Variants in PCDH9 observed in about 807,000 individuals in gnomAD.
PCDH9 encodes protocadherin 9, also known as protocadherin-9.
PCDH9 carries 24 observed loss-of-function variants against 70.6 expected under a neutral mutation model. The ratio of observed to expected loss-of-function variants is 0.34; its 90% CI spans 0.25 to 0.48. The LOEUF (loss-of-function observed/expected upper bound fraction) is 0.48. PCDH9 is among the 20% of genes least tolerant of loss of function. The pLI, the probability that PCDH9 is intolerant of heterozygous loss-of-function variation, is 0.99. For synonymous variants in PCDH9, 562 were observed against 558.5 expected, an observed-to-expected ratio of 1.01 and a Z score of -0.09; for missense variants, 1,281 against 1,503.6, an observed-to-expected ratio of 0.85 and a Z score of 2.45.
chr13:66,788,484 T>G (rs928826016), intron 3 of PCDH9, among the ~76,000 whole-genome samples: 3 of 152,084 alleles, frequency 2.0e-5, no homozygotes, highest in Non-Finnish European at 2.9e-5. Context: ...TTAAGTTGAA[T>G]AGTATTTGTA....
intron 2 of PCDH9, among the ~76,000 whole-genome samples, chr13:67,161,740 A>T (rs976030165): frequency 2.6e-5 from 4 of 152,212 alleles, no homozygotes; most frequent in Non-Finnish European, 5.9e-5. Flanking sequence ...GTGAGCAGGG[A>T]GAGGGAAATT....
intron 4 of PCDH9, among the ~76,000 whole-genome samples, chr13:66,600,128 G>T (rs116870467): frequency 0.011 from 1,672 of 151,952 alleles, 21 homozygotes; most frequent in Middle Eastern, 0.017. Flanking sequence ...TCCGGAAATA[G>T]AATTAAATAT....
intron 3 of PCDH9, among the ~76,000 whole-genome samples, chr13:66,809,195 G>A (rs887698022): frequency 7.2e-5 from 11 of 152,092 alleles, no homozygotes; most frequent in African/African-American, 2.2e-4. Flanking sequence ...TGATCCACCC[G>A]TCTCGGCCTC....
chr13:66,498,204 C>T (rs1186308516), intron 4 of PCDH9, among the ~76,000 whole-genome samples: 3 of 60,258 alleles, frequency 5.0e-5, no homozygotes, highest in African/African-American at 1.3e-4. Context: ...AGTGCAGTGG[C>T]GCGATCTCGG....
At chr13:67,149,976 C>T (rs1487963640) in intron 2 of PCDH9, among the ~76,000 whole-genome samples, 1 of 152,158 alleles carries the variant, frequency 6.6e-6, no homozygotes, top group Non-Finnish European at 1.5e-5. Flanking sequence ...AAAGTCTTTT[C>T]AGGTCATATG....
intron 3 of PCDH9, among the ~76,000 whole-genome samples, chr13:66,763,475 G>A (rs991472457): frequency 1.3e-5 from 2 of 151,998 alleles, no homozygotes; most frequent in African/African-American, 4.8e-5. Flanking sequence ...GATTTAAAAT[G>A]TACCCAATAC....
rs1231003569 is a variant in PCDH9 at position 67,191,410 on chromosome 13, G to C, written c.3036+33995C>G. Among the ~76,000 whole-genome samples, 8 of 152,166 alleles carry C rather than the reference G, an allele frequency of 5.3e-5. No homozygotes were observed. In the East Asian group the frequency reaches 1.5e-3, roughly 29 times the overall value. On this transcript the variant is annotated intron_variant, in intron 2 of 4. Coordinates refer to ENST00000377865, the MANE Select transcript of PCDH9 (RefSeq NM_203487.3). ...ACTTGATAAAAATTTGAATAAATTT[G>C]AAGAATTTATCTCTATAAATCACTA...
Position 66,498,205 on chromosome 13 carries a change from G to A in PCDH9, c.3340+133005C>T, listed in dbSNP as rs192850732. Among the ~76,000 whole-genome samples the A allele has an allele frequency of 2.3e-3, 122 of 53,578 alleles. 1 individual carries two copies. Among genetic ancestry groups the A allele is most frequent in the Non-Finnish European group, 6.5e-4 (17 of 26,070 alleles). The allele number at this position is 53,578 out of a possible 152,430, so 35.1% of individuals were successfully genotyped here. ...GTCGCCCAGGCTGGAGTGCAGTGGC[G>A]CGATCTCGGCTCACTTGAAAGCTCC... is the stretch of plus-strand genomic sequence containing the variant. On this transcript the variant is annotated intron_variant, in intron 4 of 4. Coordinates refer to ENST00000377865, the MANE Select transcript of PCDH9 (RefSeq NM_203487.3).
At chr13:66,405,450 T>C (rs1050694962) in intron 4 of PCDH9, among the ~76,000 whole-genome samples, 1 of 152,344 alleles carries the variant, frequency 6.6e-6, no homozygotes, top group South Asian at 2.1e-4. Context: ...ACATAGGTTG[T>C]GTATATGGGC....
intron 3 of PCDH9, among the ~76,000 whole-genome samples, chr13:66,671,415 T>C (rs1198065265): frequency 6.6e-6 from 1 of 151,914 alleles, no homozygotes; most frequent in Non-Finnish European, 1.5e-5. Flanking sequence ...GACAGGAAAA[T>C]GTGGGAAAGT....
intron 3 of PCDH9, among the ~76,000 whole-genome samples, chr13:66,811,269 C>T (rs1253095189): frequency 6.6e-6 from 1 of 152,102 alleles, no homozygotes; most frequent in Non-Finnish European, 1.5e-5. Context: ...TTCTTGCTTG[C>T]TATTTTAAAA....
At chr13:66,370,762 C>A (rs1956636219) in intron 4 of PCDH9, among the ~76,000 whole-genome samples, 1 of 152,076 alleles carries the variant, frequency 6.6e-6, no homozygotes, top group South Asian at 2.1e-4. Context: ...AATCCACCTG[C>A]CTCAGACTCC....
intron 4 of PCDH9, among the ~76,000 whole-genome samples, chr13:66,558,253 AAAGT>A (rs1200821634): frequency 1.2e-4 from 19 of 152,240 alleles, no homozygotes; most frequent in Admixed American, 2.6e-4. Flanking sequence ...ACATTGAAAG[AAAGT>A]ATGTTTAAAA....
intron 2 of PCDH9, among the ~76,000 whole-genome samples, chr13:66,934,558 G>GGAA (rs1555288044): frequency 7.4e-6 from 1 of 134,842 alleles, no homozygotes; most frequent in East Asian, 2.3e-4. Flanking sequence ...AAAAAAAAAA[G>GGAA]AAAAAGAAAA....
chr13:66,492,935 C>T (rs1959055838), intron 4 of PCDH9, among the ~76,000 whole-genome samples: 1 of 152,152 alleles, frequency 6.6e-6, no homozygotes, highest in African/African-American at 2.4e-5. Context: ...CTTTGTCCTT[C>T]TGAATATTTT....
chr13:66,703,838 C>T (rs1296802614), intron 3 of PCDH9, among the ~76,000 whole-genome samples: 1 of 151,970 alleles, frequency 6.6e-6, no homozygotes, highest in Non-Finnish European at 1.5e-5. Context: ...GAGGTGGAAG[C>T]TGCAGTGAGC....
chr13:66,544,356 T>A lies in PCDH9; in HGVS notation c.3340+86854A>T, dbSNP rs17081497. 6.7e-3 allele frequency among the ~76,000 whole-genome samples: 1,020 copies of A among 152,270 alleles called. 23 individuals are homozygous for A. The highest frequency in any genetic ancestry group is 0.044 in the East Asian group (228 of 5,166). On this transcript the variant is annotated intron_variant, in intron 4 of 4. Coordinates refer to ENST00000377865, the MANE Select transcript of PCDH9 (RefSeq NM_203487.3). ...GAACTTCAGAACTTACCAAACATACTCAATTAACTTCAGTAATGGTGGTTT... is the reference window on the plus strand; with the variant it reads ...GAACTTCAGAACTTACCAAACATACACAATTAACTTCAGTAATGGTGGTTT...
chr13:67,206,987 G>A (rs946229729), intron 2 of PCDH9: 3 of 152,078 alleles, frequency 2.0e-5, no homozygotes, highest in South Asian at 2.1e-4. Context: ...AAAATATCTC[G>A]AATCGTACTG....
chr13:67,038,664 T>G (rs962511411), intron 2 of PCDH9, among the ~76,000 whole-genome samples: 2 of 152,234 alleles, frequency 1.3e-5, no homozygotes, highest in African/African-American at 4.8e-5. Context: ...AATCCACTCT[T>G]CTTCATACTA....
Sources: allele counts gnomAD v4.1 joint callset (sites outside exome capture counted in the v4.1 genomes callset), GRCh38; gene constraint gnomAD v4.1.1; transcripts MANE v1.5; gene names NCBI Gene and HGNC (gene_info 2026-07-23, HGNC 2026-07-21).